Variants in GRAP2 observed in about 807,000 individuals in gnomAD.
GRAP2 encodes the protein GRB2 related adaptor protein 2.
A neutral mutation model predicts 43.5 loss-of-function variants in GRAP2; 31 were observed. The ratio of observed to expected loss-of-function variants is 0.71; its 90% CI spans 0.54 to 0.96. GRAP2 has a LOEUF of 0.96. GRAP2 is among the 40% of genes least tolerant of loss of function. The pLI is 0.00. For missense variants in GRAP2, 371 were observed against 424.4 expected (o/e 0.87, Z 1.11); for synonymous variants, 156 against 164.8 (o/e 0.95, Z 0.41).
At chr22:39,910,063 C>T (rs2066548831) in intron 1 of GRAP2, among the ~76,000 whole-genome samples, 1 of 152,198 alleles carries the variant, frequency 6.6e-6, no homozygotes, top group Non-Finnish European at 1.5e-5. Flanking sequence ...CTTTTTCAAG[C>T]ATAAATATCC....
chr22:39,910,236 G>C (rs1358665655), intron 1 of GRAP2, among the ~76,000 whole-genome samples: 4 of 152,008 alleles, frequency 2.6e-5, no homozygotes, highest in Admixed American at 2.6e-4. Flanking sequence ...AACACCATGG[G>C]GTAGTTGCCT....
chr22:39,966,074 A>G lies in GRAP2; in HGVS notation c.375A>G (p.Leu125=), dbSNP rs1226261091. The change falls in exon 5 of 8, where the codon CTA becomes CTG. Residue 125 remains leucine (L), a synonymous_variant. Coordinates refer to ENST00000344138, the MANE Select transcript of GRAP2 (RefSeq NM_004810.4). ...YFLWTEKFPS[L]NKLVDYYRTN... is the part of the protein sequence containing the mutation. ...TGTGGACTGAGAAGTTTCCATCCCT[A>G]AATAAGCTGGTAGACTACTACAGGA... 1.2e-6 allele frequency: 2 copies of G among 1,613,678 alleles called. No individual in the cohort carries two copies. The highest frequency in any genetic ancestry group is 1.7e-6 in the Non-Finnish European group (2 of 1,179,510).
chr22:39,927,146 C>T (rs1314408009), intron 1 of GRAP2, among the ~76,000 whole-genome samples: 1 of 152,190 alleles, frequency 6.6e-6, no homozygotes, highest in Non-Finnish European at 1.5e-5. Context: ...AAAGCAGATG[C>T]CACGTTGATC....
intron 1 of GRAP2, among the ~76,000 whole-genome samples, chr22:39,913,938 C>G (rs1482581969): frequency 6.6e-6 from 1 of 152,160 alleles, no homozygotes; most frequent in Admixed American, 6.5e-5. Flanking sequence ...AGTGTGATTT[C>G]TATCATTCAG....
the GRAP2 span, among the ~76,000 whole-genome samples, chr22:39,894,748 C>T: frequency 6.6e-6 from 1 of 152,106 alleles, no homozygotes; most frequent in Non-Finnish European, 1.5e-5. Flanking sequence ...AGTAAGGACT[C>T]GGAGATAAAA....
chr22:39,958,085 A>G (rs2067077529), intron 3 of GRAP2, among the ~76,000 whole-genome samples: 1 of 152,034 alleles, frequency 6.6e-6, no homozygotes, highest in Admixed American at 6.5e-5. Context: ...CAGGCTCCCC[A>G]TGGGCTGTAG....
rs1233655139 is a variant in GRAP2, at chr22:39,947,369, A to G, written c.78+185A>G. 13 of 593,878 alleles carry G rather than the reference A, an allele frequency of 2.2e-5. No individual in the cohort carries two copies. In the Admixed American group the frequency reaches 3.6e-4, roughly 16 times the overall value. 36.8% of individuals were successfully genotyped at this position (593,878 alleles called of 1,614,324 possible). A position where few individuals can be genotyped will look rare whatever the true frequency, so the allele number is the denominator to read the frequency against. ...GCCGGGTGATGGAAATACAGTCGGCATAAGCCACCATCCTTGTCCTGGGAG... is the reference window on the plus strand; with the variant it reads ...GCCGGGTGATGGAAATACAGTCGGCGTAAGCCACCATCCTTGTCCTGGGAG... On this transcript the variant is annotated intron_variant, in intron 2 of 7. Coordinates refer to ENST00000344138, the MANE Select transcript of GRAP2 (RefSeq NM_004810.4).
At chr22:39,907,259 G>A (rs1012519485) in intron 1 of GRAP2, among the ~76,000 whole-genome samples, 1 of 152,134 alleles carries the variant, frequency 6.6e-6, no homozygotes, top group Admixed American at 6.5e-5. Context: ...CATTCAAGAT[G>A]TCAACGAAAA....
At chr22:39,958,787 G>T (rs890537946) in intron 3 of GRAP2, among the ~76,000 whole-genome samples, 1 of 152,070 alleles carries the variant, frequency 6.6e-6, no homozygotes, top group Non-Finnish European at 1.5e-5. Context: ...TTTCCCACAC[G>T]TGGCAGTGGT....
At chr22:39,954,990 A>G (rs1286753528) in intron 2 of GRAP2, among the ~76,000 whole-genome samples, 2 of 152,252 alleles carry the variant, frequency 1.3e-5, no homozygotes, top group Non-Finnish European at 2.9e-5. Flanking sequence ...ACAAAGAGTT[A>G]CTGTTTCCAA....
At chr22:39,969,650 A>G in intron 7 of GRAP2, 117 bp downstream of exon 7, 14 of 1,113,162 alleles carry the variant, frequency 1.3e-5, no homozygotes, top group Non-Finnish European at 1.8e-5. Flanking sequence ...ACGGTGGCTC[A>G]CACCTGTAAT....
At chr22:39,933,839 T>C (rs1202166769) in intron 1 of GRAP2, among the ~76,000 whole-genome samples, 1 of 146,594 alleles carries the variant, frequency 6.8e-6, no homozygotes, top group Non-Finnish European at 1.5e-5. Flanking sequence ...AGACCCTGTC[T>C]CGAAAAAAAA....
chr22:39,943,068 G>A (rs1018089983), intron 1 of GRAP2, among the ~76,000 whole-genome samples: 3 of 152,196 alleles, frequency 2.0e-5, no homozygotes, highest in Non-Finnish European at 2.9e-5. Flanking sequence ...CTTTGTAAGA[G>A]ATACATAAAA....
intron 7 of GRAP2, 99 bp from the exon 8 acceptor site, chr22:39,970,806 G>A: frequency 9.0e-7 from 1 of 1,106,610 alleles, no homozygotes; most frequent in Non-Finnish European, 1.3e-6. Context: ...AGGGAATGTT[G>A]CTCTCAAAGA....
rs146799081 is a variant in GRAP2, at chr22:39,912,249, C to T, written c.-15+10919C>T. On this transcript the variant is annotated intron_variant, in intron 1 of 7. Coordinates refer to ENST00000344138, the MANE Select transcript of GRAP2 (RefSeq NM_004810.4). ...CAGCCTGGGCAACATAGCGAGATCACATCTCTACAAAAAATTAAAAATTAG... is the reference window on the plus strand; with the variant it reads ...CAGCCTGGGCAACATAGCGAGATCATATCTCTACAAAAAATTAAAAATTAG... 2.9e-3 allele frequency among the ~76,000 whole-genome samples: 439 copies of T among 152,270 alleles called. 2 individuals carry two copies. The highest frequency in any genetic ancestry group is 5.4e-3 in the Non-Finnish European group (370 of 68,016).
At chr22:39,904,594 C>T (rs1392258698) in intron 1 of GRAP2, among the ~76,000 whole-genome samples, 2 of 152,164 alleles carry the variant, frequency 1.3e-5, no homozygotes, top group Non-Finnish European at 2.9e-5. Flanking sequence ...TAATTCAGTA[C>T]TCATCTAAGA....
At chr22:39,961,601 A>G (rs1234598439) in intron 4 of GRAP2, among the ~76,000 whole-genome samples, 2 of 152,206 alleles carry the variant, frequency 1.3e-5, no homozygotes, top group East Asian at 1.9e-4. Context: ...ACGCGTAGAC[A>G]TTACACAGCC....
intron 2 of GRAP2, among the ~76,000 whole-genome samples, chr22:39,953,604 C>T (rs763343148): frequency 1.3e-5 from 2 of 152,242 alleles, no homozygotes; most frequent in Middle Eastern, 3.4e-3. Flanking sequence ...AGAGCTCTGT[C>T]GCTCTCTCGC....
intron 1 of GRAP2, among the ~76,000 whole-genome samples, chr22:39,930,184 G>A (rs1468002631): frequency 1.3e-5 from 2 of 152,108 alleles, no homozygotes; most frequent in African/African-American, 2.4e-5. Context: ...CATAATGGCT[G>A]GCATTTGTGA....
Sources: gnomAD v4.1 joint callset for allele counts (sites outside exome capture counted in the v4.1 genomes callset) on GRCh38, gnomAD v4.1.1 for gene constraint, MANE v1.5 for transcripts, NCBI Gene and HGNC (gene_info 2026-07-23, HGNC 2026-07-21) for gene names.